The following CEP112 variants were observed in gnomAD, a reference collection of about 807,000 sequenced individuals.
CEP112 encodes centrosomal protein of 112 kDa.
Under a neutral mutation model 153.0 loss-of-function variants are expected in CEP112, and 127 were observed. The observed-to-expected ratio is 0.83, with a 90% CI of 0.72 to 0.96. The LOEUF (loss-of-function observed/expected upper bound fraction) is 0.96, where lower values mean the gene tolerates loss of function less well. Ranked by LOEUF, CEP112 falls within the 40% of genes least tolerant of loss-of-function variation. The probability of loss-of-function intolerance (pLI) is 0.00; values close to 1 mark genes in which losing one functional copy is unlikely to be tolerated. For synonymous variants in CEP112, 358 were observed against 374.4 expected (o/e 0.96, Z 0.51); for missense variants, 1,089 against 1,101.2 (o/e 0.99, Z 0.16).
chr17:65,990,663 G>A (rs1315058450), intron 17 of CEP112, among the ~76,000 whole-genome samples: 1 of 152,248 alleles, frequency 6.6e-6, no homozygotes, highest in Non-Finnish European at 1.5e-5. Flanking sequence ...ACCACAAGCT[G>A]GAGTGCTCTG....
intron 24 of CEP112, among the ~76,000 whole-genome samples, chr17:65,658,071 T>C (rs753769360): frequency 4.5e-4 from 69 of 152,226 alleles, no homozygotes; most frequent in Non-Finnish European, 7.9e-4. Flanking sequence ...TGCTGCATAA[T>C]CTTTTACATA....
chr17:65,914,452 A>T (rs1195129189), intron 19 of CEP112, among the ~76,000 whole-genome samples: 1 of 151,886 alleles, frequency 6.6e-6, no homozygotes, highest in East Asian at 1.9e-4. Context: ...ATTATTCATC[A>T]TTTTGAATGA....
chr17:65,873,199 G>A (rs1001612609), intron 20 of CEP112: 1 of 152,196 alleles, frequency 6.6e-6, no homozygotes, highest in Non-Finnish European at 1.5e-5. Context: ...AGGAACTCTG[G>A]TCATGGTCCC....
chr17:66,075,889 C>G (rs1029850833), intron 8 of CEP112, among the ~76,000 whole-genome samples: 6 of 152,192 alleles, frequency 3.9e-5, no homozygotes, highest in Non-Finnish European at 7.3e-5. Context: ...AGTTCCCAAA[C>G]TGCAGAAGTG....
At chr17:66,099,607 G>A (rs1235135396) in intron 6 of CEP112, among the ~76,000 whole-genome samples, 1 of 151,670 alleles carries the variant, frequency 6.6e-6, no homozygotes, top group African/African-American at 2.4e-5. Flanking sequence ...CAGAGGAGGA[G>A]GGCTGTCCAG....
chr17:65,998,084 A>G (rs1008609745), intron 17 of CEP112, among the ~76,000 whole-genome samples: 39 of 152,062 alleles, frequency 2.6e-4, no homozygotes, highest in Admixed American at 2.5e-3. Flanking sequence ...GGTGATAGAA[A>G]TGTTCTAAAA....
At chr17:65,883,309 A>G (rs985688150) in intron 20 of CEP112, among the ~76,000 whole-genome samples, 1 of 151,322 alleles carries the variant, frequency 6.6e-6, no homozygotes, top group East Asian at 1.9e-4. Context: ...ACACACACAC[A>G]CTTCATCTAT....
chr17:65,750,784 A>G, intron 21 of CEP112, 60 bp from the exon 22 acceptor site: 1 of 1,494,498 alleles, frequency 6.7e-7, no homozygotes, highest in South Asian at 1.1e-5. Context: ...TATCTCTTCC[A>G]CATGCCTATC....
chr17:65,871,422 T>G (rs934488688), intron 20 of CEP112, among the ~76,000 whole-genome samples: 1 of 151,932 alleles, frequency 6.6e-6, no homozygotes, highest in African/African-American at 2.4e-5. Context: ...GATCACGAGG[T>G]CAGGAGATCA....
intron 16 of CEP112, among the ~76,000 whole-genome samples, chr17:66,025,387 G>A (rs942571893): frequency 2.6e-5 from 4 of 151,886 alleles, no homozygotes; most frequent in Admixed American, 6.6e-5. Flanking sequence ...CATCTGGCCC[G>A]GGGACTGATA....
chr17:65,652,095 C>G (rs781550011), intron 24 of CEP112, among the ~76,000 whole-genome samples: 1 of 152,076 alleles, frequency 6.6e-6, no homozygotes, highest in Non-Finnish European at 1.5e-5. Context: ...ATCAAAACCA[C>G]AATGTGATCT....
intron 18 of CEP112, among the ~76,000 whole-genome samples, chr17:65,938,212 G>A (rs1394263347): frequency 7.2e-6 from 1 of 138,432 alleles, no homozygotes; most frequent in Non-Finnish European, 1.6e-5. Context: ...ACAGATGCTT[G>A]AAGGCAGCAT....
At chr17:66,126,310 C>T (rs967868508) in intron 6 of CEP112, among the ~76,000 whole-genome samples, 1 of 152,048 alleles carries the variant, frequency 6.6e-6, no homozygotes, top group African/African-American at 2.4e-5. Context: ...TTACATTAAT[C>T]GCAAAATAAA....
At chr17:66,170,329 T>C (rs1179704279) in intron 4 of CEP112, among the ~76,000 whole-genome samples, 2 of 152,168 alleles carry the variant, frequency 1.3e-5, no homozygotes, top group African/African-American at 4.8e-5. Context: ...ATAATATATA[T>C]TGATATAGCT....
At chr17:66,032,896 G>A (rs1220722827) in intron 12 of CEP112, among the ~76,000 whole-genome samples, 4 of 152,146 alleles carry the variant, frequency 2.6e-5, no homozygotes, top group African/African-American at 9.7e-5. Flanking sequence ...TCTCGTGGCT[G>A]GAAATCCTGA....
intron 21 of CEP112, among the ~76,000 whole-genome samples, chr17:65,837,812 A>C (rs2057377327): frequency 2.0e-5 from 3 of 152,216 alleles, no homozygotes; most frequent in African/African-American, 7.2e-5. Context: ...TCTCTGAAAC[A>C]TGTGCTGTGT....
intron 20 of CEP112, among the ~76,000 whole-genome samples, chr17:65,890,375 T>G (rs1043756743): frequency 6.6e-6 from 1 of 152,220 alleles, no homozygotes. Context: ...GAATGCTTTT[T>G]CCATTCTAAT....
chr17:65,751,952 TTCTA>T (rs60646634), intron 21 of CEP112, among the ~76,000 whole-genome samples: 55,143 of 145,492 alleles, frequency 0.38, 10,476 homozygotes, highest in Non-Finnish European at 0.4. Flanking sequence ...AATACAGTCC[TTCTA>T]TCTATCTATC....
intron 17 of CEP112, among the ~76,000 whole-genome samples, chr17:65,997,449 T>C (rs1325350932): frequency 6.6e-6 from 1 of 152,164 alleles, no homozygotes; most frequent in African/African-American, 2.4e-5. Flanking sequence ...GTTTTAGCTA[T>C]TTCCAGAAAC....
Sources: gnomAD v4.1 joint callset for allele counts (sites outside exome capture counted in the v4.1 genomes callset) on GRCh38, gnomAD v4.1.1 for gene constraint, MANE v1.5 for transcripts, NCBI Gene and HGNC (gene_info 2026-07-23, HGNC 2026-07-21) for gene names.